The following PTPRG variants were observed in gnomAD, a reference collection of about 807,000 sequenced individuals.
PTPRG encodes receptor-type tyrosine-protein phosphatase gamma.
A neutral mutation model predicts 165.3 loss-of-function variants in PTPRG; 102 were observed. That is an observed-to-expected ratio of 0.62 (90% confidence interval 0.53 to 0.73). The LOEUF (loss-of-function observed/expected upper bound fraction) is 0.73, where lower values mean the gene tolerates loss of function less well. PTPRG is among the 30% of genes least tolerant of loss of function. PTPRG has a pLI of 0.00. For missense variants in PTPRG, 1,866 were observed against 1,861.4 expected, an observed-to-expected ratio of 1.00 and a Z score of -0.05; for synonymous variants, 675 against 669.5, an observed-to-expected ratio of 1.01 and a Z score of -0.13.
chr3:62,284,060 G>A (rs2148892488), intron 28 of PTPRG, among the ~76,000 whole-genome samples: 1 of 152,094 alleles, frequency 6.6e-6, no homozygotes, highest in African/African-American at 2.4e-5. Flanking sequence ...CATAAAGTTA[G>A]GGCATTTTCT....
intron 6 of PTPRG, among the ~76,000 whole-genome samples, chr3:62,155,267 A>G (rs1366485421): frequency 6.6e-6 from 1 of 152,234 alleles, no homozygotes; most frequent in East Asian, 1.9e-4. Flanking sequence ...AGCCTCACGA[A>G]TAACTGCTGT....
intron 4 of PTPRG, among the ~76,000 whole-genome samples, chr3:62,018,083 C>G (rs1043338307): frequency 6.6e-6 from 1 of 152,138 alleles, no homozygotes; most frequent in African/African-American, 2.4e-5. Context: ...ACAGTGCCTT[C>G]CTTTGTATTC....
chr3:61,707,229 T>A (rs1156767208), intron 1 of PTPRG, among the ~76,000 whole-genome samples: 2 of 152,234 alleles, frequency 1.3e-5, no homozygotes, highest in African/African-American at 2.4e-5. Context: ...TTTTTACCTA[T>A]GATTAAATGC....
chr3:62,022,534 G>A (rs1334205451), intron 4 of PTPRG, among the ~76,000 whole-genome samples: 1 of 152,184 alleles, frequency 6.6e-6, no homozygotes, highest in Non-Finnish European at 1.5e-5. Context: ...TGTGAACGAT[G>A]CAGGTAGAGA....
At chr3:61,980,684 C>T (rs1038813877) in intron 2 of PTPRG, among the ~76,000 whole-genome samples, 6 of 152,192 alleles carry the variant, frequency 3.9e-5, no homozygotes, top group African/African-American at 1.2e-4. Context: ...AAAGCCTACT[C>T]AGATGGGTTA....
At chr3:62,199,241 C>T (rs1700039798) in intron 10 of PTPRG, among the ~76,000 whole-genome samples, 1 of 152,046 alleles carries the variant, frequency 6.6e-6, no homozygotes, top group African/African-American at 2.4e-5. Context: ...TGGGTGAGAC[C>T]CCTGTTATTT....
chr3:61,781,831 G>A (rs1310355109), intron 2 of PTPRG, among the ~76,000 whole-genome samples: 1 of 150,770 alleles, frequency 6.6e-6, no homozygotes, highest in Non-Finnish European at 1.5e-5. Flanking sequence ...AGGCTCGAGC[G>A]ATCCTCCTGC....
chr3:62,131,901 C>G (rs1039092813), intron 5 of PTPRG, among the ~76,000 whole-genome samples: 8 of 152,084 alleles, frequency 5.3e-5, no homozygotes, highest in African/African-American at 1.9e-4. Flanking sequence ...ACTTGAAAGC[C>G]AAAATTGTAA....
At chr3:62,098,535 C>CT (rs1342845980) in intron 5 of PTPRG, among the ~76,000 whole-genome samples, 1 of 152,046 alleles carries the variant, frequency 6.6e-6, no homozygotes, top group Non-Finnish European at 1.5e-5. Flanking sequence ...CACCCTCCAC[C>CT]TTGGCCCCAG....
intron 4 of PTPRG, among the ~76,000 whole-genome samples, chr3:62,059,150 T>A (rs1421842416): frequency 1.3e-5 from 2 of 152,190 alleles, no homozygotes; most frequent in Non-Finnish European, 2.9e-5. Flanking sequence ...TCCCAGTCTT[T>A]AAAATGGGGA....
At chr3:62,201,818 G>A (rs1470615577) in intron 11 of PTPRG, among the ~76,000 whole-genome samples, 6 of 152,164 alleles carry the variant, frequency 3.9e-5, no homozygotes, top group African/African-American at 7.2e-5. Flanking sequence ...GGGATCAGAC[G>A]ATGCAGGACC....
At chr3:61,626,066 G>A (rs1465749809) in intron 1 of PTPRG, among the ~76,000 whole-genome samples, 1 of 150,604 alleles carries the variant, frequency 6.6e-6, no homozygotes, top group Non-Finnish European at 1.5e-5. Context: ...TTATGTGTTT[G>A]TAGGGGCTTG....
intron 4 of PTPRG, among the ~76,000 whole-genome samples, chr3:62,074,526 A>G (rs1259888376): frequency 6.6e-6 from 1 of 151,198 alleles, no homozygotes; most frequent in African/African-American, 2.4e-5. Flanking sequence ...TTTTTTGTAG[A>G]GATGAGGTCT....
intron 10 of PTPRG, among the ~76,000 whole-genome samples, chr3:62,200,157 A>C (rs899856433): frequency 6.6e-6 from 1 of 152,220 alleles, no homozygotes; most frequent in Non-Finnish European, 1.5e-5. Flanking sequence ...AAAGTTCTGG[A>C]GACGGATAGA....
intron 9 of PTPRG, among the ~76,000 whole-genome samples, chr3:62,192,478 G>A (rs1011616831): frequency 1.5e-5 from 2 of 137,600 alleles, no homozygotes; most frequent in Non-Finnish European, 1.5e-5. Flanking sequence ...GCGCAATCTC[G>A]GCTCACTGCA....
intron 18 of PTPRG, 46 bp from the exon 19 acceptor site, chr3:62,267,638 TC>T (rs1265539710): frequency 6.3e-7 from 1 of 1,594,386 alleles, no homozygotes; most frequent in Non-Finnish European, 8.5e-7. Context: ...TGACTGGTCT[TC>T]TGTGATAACT....
intron 3 of PTPRG, among the ~76,000 whole-genome samples, chr3:61,993,100 A>T (rs529950853): frequency 6.6e-6 from 1 of 151,742 alleles, no homozygotes; most frequent in South Asian, 2.1e-4. Flanking sequence ...AGGCTAAATT[A>T]GGGTGGGGTT....
At chr3:61,681,487 C>A (rs1041083628) in intron 1 of PTPRG, among the ~76,000 whole-genome samples, 4 of 152,188 alleles carry the variant, frequency 2.6e-5, no homozygotes, top group African/African-American at 9.7e-5. Context: ...GTCAGACTGC[C>A]TGCTAGGACC....
chr3:62,009,570 G>A (rs915226923), intron 4 of PTPRG, among the ~76,000 whole-genome samples: 1 of 152,144 alleles, frequency 6.6e-6, no homozygotes, highest in Non-Finnish European at 1.5e-5. Context: ...TTATGAAGTC[G>A]ATCGGGGTTC....
Sources: allele counts gnomAD v4.1 joint callset (sites outside exome capture counted in the v4.1 genomes callset), GRCh38; gene constraint gnomAD v4.1.1; transcripts MANE v1.5; gene names NCBI Gene and HGNC (gene_info 2026-07-23, HGNC 2026-07-21).